The following KCNN2 variants were observed in gnomAD, a reference collection of about 807,000 sequenced individuals.
KCNN2 encodes the protein potassium calcium-activated channel subfamily N member 2.
Under a neutral mutation model 55.5 loss-of-function variants are expected in KCNN2, and 24 were observed. The observed-to-expected ratio is 0.43, with a 90% CI of 0.31 to 0.61. KCNN2 has a LOEUF of 0.61. KCNN2 is among the 20% of genes least tolerant of loss of function. The probability of loss-of-function intolerance (pLI) is 0.08; values close to 1 mark genes in which losing one functional copy is unlikely to be tolerated. For synonymous variants in KCNN2, 431 were observed against 336.1 expected (o/e 1.28, Z -3.09); for missense variants, 754 against 853.6 (o/e 0.88, Z 1.45).
intron 5 of KCNN2, among the ~76,000 whole-genome samples, chr5:114,480,583 A>G (rs138636470): frequency 1.4e-4 from 21 of 152,320 alleles, no homozygotes; most frequent in African/African-American, 4.8e-4. Flanking sequence ...CAATATCTCA[A>G]TATCCTTGGT....
intron 1 of KCNN2, among the ~76,000 whole-genome samples, chr5:114,154,683 G>A (rs985968615): frequency 3.3e-5 from 5 of 152,124 alleles, no homozygotes; most frequent in African/African-American, 1.2e-4. Flanking sequence ...TAAACAAGAT[G>A]TTTCTGAAGC....
At chr5:114,383,992 T>C (rs1758204498) in intron 2 of KCNN2, among the ~76,000 whole-genome samples, 1 of 152,240 alleles carries the variant, frequency 6.6e-6, no homozygotes, top group Admixed American at 6.5e-5. Flanking sequence ...CATTGTCTCA[T>C]TTCATCTACA....
At chr5:114,179,172 C>G (rs1268076973) in intron 1 of KCNN2, among the ~76,000 whole-genome samples, 8 of 152,194 alleles carry the variant, frequency 5.3e-5, no homozygotes, top group Non-Finnish European at 1.2e-4. Flanking sequence ...TATGGCTTAA[C>G]TAAATGGTTC....
Position 114,379,571 on chromosome 5 carries a change from A to AT in KCNN2, c.1218+15572dup, listed in dbSNP as rs1258692261. ...GAATATATTATATAACATATTATATATTATAGAATATATTATATAACATAT... is the reference window on the plus strand; with the variant it reads ...GAATATATTATATAACATATTATATATTTATAGAATATATTATATAACATAT... On this transcript the variant is annotated intron_variant, in intron 2 of 7. Coordinates refer to ENST00000673685, the MANE Select transcript of KCNN2 (RefSeq NM_021614.4). Among the ~76,000 whole-genome samples, 171 of 55,984 alleles carry AT rather than the reference A, an allele frequency of 3.1e-3. 3 individuals are homozygous for AT. Among genetic ancestry groups the AT allele is most frequent in the African/African-American group, 9.3e-3 (70 of 7,508 alleles). The allele number at this position is 55,984 out of a possible 152,430, so 36.7% of individuals were successfully genotyped here.
chr5:114,084,121 A>G (rs1463582718), intron 1 of KCNN2, among the ~76,000 whole-genome samples: 1 of 152,116 alleles, frequency 6.6e-6, no homozygotes, highest in East Asian at 1.9e-4. Flanking sequence ...GGCAAATATG[A>G]ATAAAGCTGC....
At chr5:114,337,655 T>C (rs1476941344) in intron 2 of KCNN2, among the ~76,000 whole-genome samples, 8 of 152,218 alleles carry the variant, frequency 5.3e-5, no homozygotes, top group Admixed American at 5.2e-4. Flanking sequence ...TGATTTGTGA[T>C]AATATCAAGT....
At chr5:114,229,584 T>A (rs1284727030) in intron 2 of KCNN2, among the ~76,000 whole-genome samples, 2 of 147,788 alleles carry the variant, frequency 1.4e-5, no homozygotes, top group African/African-American at 4.9e-5. Context: ...TGTATTTGCT[T>A]TGTTTAAAAA....
intron 2 of KCNN2, among the ~76,000 whole-genome samples, chr5:114,290,658 G>C (rs1243614943): frequency 6.6e-6 from 1 of 151,874 alleles, no homozygotes; most frequent in Non-Finnish European, 1.5e-5. Context: ...GTTCCTTAAG[G>C]TGGTAAGTTA....
chr5:114,068,360 A>T (rs906593294), intron 1 of KCNN2, among the ~76,000 whole-genome samples: 4 of 152,224 alleles, frequency 2.6e-5, no homozygotes, highest in African/African-American at 9.6e-5. Context: ...TTTGGAGTTA[A>T]TTGAAAATGT....
chr5:114,195,314 C>A (rs1220792409), intron 1 of KCNN2, among the ~76,000 whole-genome samples: 1 of 151,370 alleles, frequency 6.6e-6, no homozygotes, highest in Non-Finnish European at 1.5e-5. Context: ...ATTTTCTGAA[C>A]CATGGATGTG....
intron 5 of KCNN2, chr5:114,486,600 G>A (rs1747551593): frequency 4.5e-5 from 21 of 468,822 alleles, no homozygotes; most frequent in South Asian, 3.9e-4. Flanking sequence ...ATTCAGCACT[G>A]GAAACATGCC....
chr5:114,377,464 G>A (rs1472501004), intron 2 of KCNN2, among the ~76,000 whole-genome samples: 13 of 152,176 alleles, frequency 8.5e-5, no homozygotes. Flanking sequence ...TATGTTGAAT[G>A]ATAAAAGCTT....
intron 2 of KCNN2, among the ~76,000 whole-genome samples, chr5:114,375,974 A>ATATATATATATATATATATATATATG (rs1757920729): frequency 7.2e-6 from 1 of 139,238 alleles, no homozygotes; most frequent in Non-Finnish European, 1.6e-5. Flanking sequence ...ATATATATAT[A>ATATATATATATATATATATATATATG]TATGTATTTT....
intron 2 of KCNN2, among the ~76,000 whole-genome samples, chr5:114,283,223 C>A (rs1327892034): frequency 6.6e-6 from 1 of 152,090 alleles, no homozygotes; most frequent in Non-Finnish European, 1.5e-5. Flanking sequence ...GTTATCCTCT[C>A]CCATGTGTGT....
At chr5:114,304,023 G>T (rs1010029128) in intron 2 of KCNN2, among the ~76,000 whole-genome samples, 1 of 152,150 alleles carries the variant, frequency 6.6e-6, no homozygotes, top group African/African-American at 2.4e-5. Flanking sequence ...GAAATTAACT[G>T]TTATATACTT....
chr5:114,154,671 G>A (rs1752594838), intron 1 of KCNN2, among the ~76,000 whole-genome samples: 1 of 152,152 alleles, frequency 6.6e-6, no homozygotes, highest in Non-Finnish European at 1.5e-5. Flanking sequence ...AGTTTGGGTT[G>A]TTAAACAAGA....
At chr5:114,442,422 C>A (rs1157927045) in intron 3 of KCNN2, among the ~76,000 whole-genome samples, 1 of 151,904 alleles carries the variant, frequency 6.6e-6, no homozygotes, top group African/African-American at 2.4e-5. Flanking sequence ...CAGAAAGTTA[C>A]CTGGTTATAG....
intron 1 of KCNN2, among the ~76,000 whole-genome samples, chr5:114,207,358 T>C (rs1753797668): frequency 6.6e-6 from 1 of 152,204 alleles, no homozygotes; most frequent in Admixed American, 6.5e-5. Context: ...AGTCTCCTCA[T>C]TTGTGAAAGG....
chr5:114,353,245 A>G (rs1757243828), intron 2 of KCNN2, among the ~76,000 whole-genome samples: 1 of 151,750 alleles, frequency 6.6e-6, no homozygotes, highest in Non-Finnish European at 1.5e-5. Context: ...TATAACAGAC[A>G]GTAGATATGT....
Sources: allele counts gnomAD v4.1 joint callset (sites outside exome capture counted in the v4.1 genomes callset), GRCh38; gene constraint gnomAD v4.1.1; transcripts MANE v1.5; gene names NCBI Gene and HGNC (gene_info 2026-07-23, HGNC 2026-07-21).